Variants in PHTF2 observed in about 807,000 individuals in gnomAD.
PHTF2 encodes protein PHTF2.
PHTF2 carries 60 observed loss-of-function variants against 101.2 expected under a neutral mutation model. That is an observed-to-expected ratio of 0.59 (90% CI 0.48 to 0.73). PHTF2 has a LOEUF of 0.73. PHTF2 is among the 30% of genes least tolerant of loss of function. The probability of loss-of-function intolerance (pLI) is 0.00; values close to 1 mark genes in which losing one functional copy is unlikely to be tolerated. For missense variants in PHTF2, 747 were observed against 908.7 expected, an observed-to-expected ratio of 0.82 and a Z score of 2.29; for synonymous variants, 311 against 307.3, an observed-to-expected ratio of 1.01 and a Z score of -0.13.
intron 1 of PHTF2, among the ~76,000 whole-genome samples, chr7:77,799,425 C>T (rs1792347136): frequency 1.3e-5 from 2 of 152,100 alleles, no homozygotes; most frequent in Admixed American, 1.3e-4. Flanking sequence ...GCCGGAGGAG[C>T]GGGCTCGGGA....
intron 7 of PHTF2, among the ~76,000 whole-genome samples, chr7:77,903,535 T>C (rs1157919640): frequency 2.0e-5 from 3 of 152,228 alleles, no homozygotes; most frequent in African/African-American, 7.2e-5. Context: ...ATAATTATAT[T>C]GTGTCTGAAA....
chr7:77,912,710 CTTTTTTTTTTTTTTTTTTTTTTTTTT>C (rs536966733), intron 9 of PHTF2, among the ~76,000 whole-genome samples: 1 of 80,438 alleles, frequency 1.2e-5, no homozygotes, highest in Non-Finnish European at 2.4e-5. Context: ...AGAGAACCAC[CTTTTTTTTTTTTTTTTTTTTTTTTTT>C]TTTTTTTTTT....
intron 1 of PHTF2, among the ~76,000 whole-genome samples, chr7:77,838,692 C>T (rs1356526725): frequency 3.3e-5 from 5 of 151,950 alleles, no homozygotes; most frequent in Non-Finnish European, 7.4e-5. Flanking sequence ...AGAGAAATTC[C>T]GTGACTTATT....
At chr7:77,806,176 AAAGTC>A (rs1201331365) in intron 1 of PHTF2, among the ~76,000 whole-genome samples, 2 of 152,098 alleles carry the variant, frequency 1.3e-5, no homozygotes, top group Non-Finnish European at 2.9e-5. Context: ...AAAAAAAAAA[AAAGTC>A]AAGTCAAGTT....
At chr7:77,810,786 C>G (rs959492396) in intron 1 of PHTF2, among the ~76,000 whole-genome samples, 1 of 152,130 alleles carries the variant, frequency 6.6e-6, no homozygotes, top group Admixed American at 6.5e-5. Flanking sequence ...GATCCACCCA[C>G]CTTGGCCTCC....
chr7:77,835,562 G>A (rs1795391515), intron 1 of PHTF2, among the ~76,000 whole-genome samples: 2 of 152,092 alleles, frequency 1.3e-5, no homozygotes, highest in African/African-American at 4.8e-5. Context: ...CAATGTGGGA[G>A]ACCATATTTG....
chr7:77,807,124 T>C (rs1793055533), intron 1 of PHTF2, among the ~76,000 whole-genome samples: 2 of 152,238 alleles, frequency 1.3e-5, no homozygotes, highest in African/African-American at 4.8e-5. Context: ...TGTACTGTTT[T>C]GTTCATCCAT....
intron 12 of PHTF2, among the ~76,000 whole-genome samples, chr7:77,935,289 C>T (rs1216214407): frequency 8.0e-6 from 1 of 125,722 alleles, no homozygotes; most frequent in Non-Finnish European, 1.6e-5. Flanking sequence ...GTGGCGCGAT[C>T]TCGGCTCACT....
At chr7:77,940,556 A>G (rs373669745) in exon 15 of PHTF2, 39 of 1,607,822 alleles carry the variant, frequency 2.4e-5, no homozygotes, top group Non-Finnish European at 3.2e-5. Context: ...CTCTTTGGAC[A>G]TTTAACATCT....
chr7:77,814,129 T>C (rs17807478), intron 1 of PHTF2, among the ~76,000 whole-genome samples: 3,368 of 152,334 alleles, frequency 0.022, 52 homozygotes, highest in Middle Eastern at 0.071. Flanking sequence ...TTGTAGCTAA[T>C]TGCAAGCCCA....
At chr7:77,939,759 T>A (rs1284783183) in intron 13 of PHTF2, among the ~76,000 whole-genome samples, 1 of 152,162 alleles carries the variant, frequency 6.6e-6, no homozygotes, top group African/African-American at 2.4e-5. Context: ...TAACTTGAAA[T>A]AATGAAATAC....
At chr7:77,885,452 C>CT (rs1338029149) in intron 3 of PHTF2, among the ~76,000 whole-genome samples, 23 of 149,274 alleles carry the variant, frequency 1.5e-4, no homozygotes, top group Admixed American at 8.7e-4. Context: ...TATTGTTATA[C>CT]TTTTTTTTTT....
At chr7:77,934,803 C>T (rs555454625) in intron 12 of PHTF2, among the ~76,000 whole-genome samples, 38 of 151,900 alleles carry the variant, frequency 2.5e-4, no homozygotes, top group African/African-American at 5.1e-4. Context: ...AAAAATTAGT[C>T]GGGCATGGTG....
chr7:77,813,929 A>T (rs1291503500), intron 1 of PHTF2, among the ~76,000 whole-genome samples: 12 of 152,172 alleles, frequency 7.9e-5, no homozygotes, highest in Non-Finnish European at 1.5e-4. Context: ...GTTGATAATG[A>T]TGTTACATAA....
chr7:77,828,964 A>G (rs1472262658), intron 1 of PHTF2, among the ~76,000 whole-genome samples: 1 of 152,200 alleles, frequency 6.6e-6, no homozygotes, highest in Non-Finnish European at 1.5e-5. Context: ...GCTTGAAGTC[A>G]GGAGTTTGAG....
At chr7:77,818,329 T>C (rs1266499381) in intron 1 of PHTF2, among the ~76,000 whole-genome samples, 4 of 152,236 alleles carry the variant, frequency 2.6e-5, no homozygotes, top group Non-Finnish European at 5.9e-5. Flanking sequence ...TAAAATCTTT[T>C]CCCAGAAACC....
chr7:77,817,979 G>A (rs770261865), intron 1 of PHTF2, among the ~76,000 whole-genome samples: 13 of 151,720 alleles, frequency 8.6e-5, no homozygotes, highest in Non-Finnish European at 1.2e-4. Flanking sequence ...GCATGGTGGC[G>A]GGCGCCTGTA....
chr7:77,820,075 G>T (rs935198474), intron 1 of PHTF2, among the ~76,000 whole-genome samples: 11 of 152,118 alleles, frequency 7.2e-5, no homozygotes, highest in Non-Finnish European at 1.6e-4. Context: ...TTTTAGTAGA[G>T]ACTGGGTTTC....
intron 1 of PHTF2, among the ~76,000 whole-genome samples, chr7:77,809,277 A>G (rs1356370404): frequency 7.8e-6 from 1 of 127,458 alleles, no homozygotes; most frequent in Non-Finnish European, 1.5e-5. Context: ...CCCAGGCTGG[A>G]GTACAGTGGA....
Sources: allele counts gnomAD v4.1 joint callset (sites outside exome capture counted in the v4.1 genomes callset), GRCh38; gene constraint gnomAD v4.1.1; transcripts MANE v1.5; gene names NCBI Gene and HGNC (gene_info 2026-07-23, HGNC 2026-07-21).